Variants in ARHGEF10 observed in about 807,000 individuals in gnomAD.
ARHGEF10 encodes the protein Rho guanine nucleotide exchange factor (GEF) 10.
ARHGEF10 carries 140 observed loss-of-function variants against 147.4 expected under a neutral mutation model. The ratio of observed to expected loss-of-function variants is 0.95; its 90% CI spans 0.83 to 1.09. The LOEUF is 1.09. Among genes scored for constraint, ARHGEF10 ranks in the 50% least tolerant of loss-of-function variants. The pLI is 0.00. For missense variants in ARHGEF10, 2,222 were observed against 1,752.7 expected (o/e 1.27, Z -4.78); for synonymous variants, 902 against 695.8 (o/e 1.30, Z -4.67).
At position 1,882,630 on chromosome 8, in the gene ARHGEF10, C is replaced by T. The variant is rs775521173; in HGVS notation, c.961-5C>T. 1.7e-5 allele frequency: 27 copies of T among 1,551,690 alleles called. No individual in the cohort carries two copies. The highest frequency in any genetic ancestry group is 4.1e-5 in the African/African-American group (3 of 73,226). On this transcript the variant is annotated splice_polypyrimidine_tract_variant and splice_region_variant and intron_variant, in intron 9 of 28. Transcript: ENST00000349830. ...CCCGTTCTCACATCTCCCTCTCCGT[C>T]GCAGATGCAGAAGCTCGTGAAGGCC... is the stretch of plus-strand genomic sequence containing the variant.
chr8:1,906,476 C>G (rs1810901626), intron 17 of ARHGEF10, among the ~76,000 whole-genome samples: 1 of 152,166 alleles, frequency 6.6e-6, no homozygotes, highest in South Asian at 2.1e-4. Flanking sequence ...CAGTGAGAGC[C>G]AGCTGTTAAA....
chr8:1,833,124 A>ACAGG (rs1563149726), intron 1 of ARHGEF10, among the ~76,000 whole-genome samples: 11 of 146,710 alleles, frequency 7.5e-5, no homozygotes, highest in African/African-American at 2.6e-4. Context: ...GCAGAGAGAG[A>ACAGG]CAGAGGCAGA....
upstream of ARHGEF10, chr8:1,823,875 TC>T (rs1802561607): frequency 6.6e-6 from 1 of 151,016 alleles, no homozygotes; most frequent in African/African-American, 2.4e-5. Context: ...CCCGGAACGG[TC>T]TGGGCCCGCC....
At chr8:1,861,907 T>C (rs1401944443) in intron 4 of ARHGEF10, among the ~76,000 whole-genome samples, 1 of 152,254 alleles carries the variant, frequency 6.6e-6, no homozygotes, top group Non-Finnish European at 1.5e-5. Flanking sequence ...TATTTGATTA[T>C]TTAAAATAAT....
At chr8:1,884,328 G>A (rs1403604321) in intron 10 of ARHGEF10, among the ~76,000 whole-genome samples, 1 of 151,586 alleles carries the variant, frequency 6.6e-6, no homozygotes, top group Non-Finnish European at 1.5e-5. Context: ...CCCGGGAGGC[G>A]GAGCTTGCAG....
At chr8:1,895,997 G>A (rs997387390) in intron 13 of ARHGEF10, among the ~76,000 whole-genome samples, 5 of 152,146 alleles carry the variant, frequency 3.3e-5, no homozygotes, top group African/African-American at 9.7e-5. Context: ...CCTGGAGGTT[G>A]AACCCACCAA....
intron 9 of ARHGEF10, 35 bp from the exon 10 acceptor site, chr8:1,882,600 G>C: frequency 1.3e-6 from 2 of 1,527,450 alleles, no homozygotes; most frequent in Non-Finnish European, 1.8e-6. Flanking sequence ...GGGTTCTGCC[G>C]CCGTCCCGTT....
rs371244507 is a variant in ARHGEF10 at position 1,894,416 on chromosome 8, G to C, written c.1284G>C (p.Glu428Asp). 43 of 1,614,120 alleles carry C rather than the reference G, an allele frequency of 2.7e-5. No homozygotes were observed. The highest frequency in any genetic ancestry group is 5.3e-5 in the African/African-American group (4 of 74,944). ...AGCAATATGAGAAGCCGCTGTCTGAGATGGAGCCAAAGGTTCTGAGTGAGA... is the reference window on the plus strand; with the variant it reads ...AGCAATATGAGAAGCCGCTGTCTGACATGGAGCCAAAGGTTCTGAGTGAGA... ...ILEQYEKPLS[E>D]MEPKVLSERK... Residue 428 changes from glutamate to aspartate, a missense_variant, in exon 13 of 29, where the codon GAG (glutamate) becomes GAC (aspartate). By Grantham distance (45) the Glu-to-Asp change is conservative (BLOSUM62 2). Transcript: ENST00000349830.
rs768971197 is a variant in ARHGEF10 at position 1,926,444 on chromosome 8, C to T, written c.2678C>T (p.Thr893Met). ...NNESQPDSFS[T>M]AHGFLWIGSC... ...GAAAGCCAGCCAGATTCATTTTCCA[C>T]GGCACATGGTTTCCTGTGGGTAAGA... The change falls in exon 23 of 29, where the codon ACG becomes ATG. Residue 893 changes from threonine to methionine, a missense_variant. Thr to Met is a moderately conservative substitution (Grantham distance 81). Coordinates refer to ENST00000349830, the MANE Select transcript of ARHGEF10 (RefSeq NM_014629.4). 3.1e-5 allele frequency: 50 copies of T among 1,613,914 alleles called. No homozygotes were observed. The highest frequency in any genetic ancestry group is 3.9e-5 in the Non-Finnish European group (46 of 1,179,932).
rs537206657 is a variant in ARHGEF10 at position 1,928,668 on chromosome 8, C to G, written c.2921+18C>G. Reference sequence around the variant, plus strand: ...GAGGGAAGGTAGGGCATGCTCACTGCGTTACAGAGAATTAGCAAGCTCTGC... The same window carrying G: ...GAGGGAAGGTAGGGCATGCTCACTGGGTTACAGAGAATTAGCAAGCTCTGC... On this transcript the variant is annotated intron_variant, in intron 24 of 28. Coordinates refer to ENST00000349830, the MANE Select transcript of ARHGEF10 (RefSeq NM_014629.4). 6.8e-5 allele frequency: 110 copies of G among 1,612,540 alleles called. 1 individual carries two copies. In the South Asian group the frequency reaches 1.2e-3, roughly 17 times the overall value.
At chr8:1,891,647 C>T (rs1015747634) in intron 11 of ARHGEF10, among the ~76,000 whole-genome samples, 2 of 152,132 alleles carry the variant, frequency 1.3e-5, no homozygotes, top group Non-Finnish European at 2.9e-5. Flanking sequence ...ACCTTCATGC[C>T]AGGGACCCTC....
At chr8:1,884,470 A>G (rs1808488791) in intron 10 of ARHGEF10, among the ~76,000 whole-genome samples, 1 of 151,922 alleles carries the variant, frequency 6.6e-6, no homozygotes, top group African/African-American at 2.4e-5. Flanking sequence ...AGAGGCTTGG[A>G]CAGAATTTCG....
At chr8:1,854,779 T>C (rs1805423903) in intron 2 of ARHGEF10, among the ~76,000 whole-genome samples, 1 of 152,238 alleles carries the variant, frequency 6.6e-6, no homozygotes, top group African/African-American at 2.4e-5. Context: ...CATTCTCTCA[T>C]TCATTCGCTC....
chr8:1,919,250 G>C (rs1337082801), intron 18 of ARHGEF10, among the ~76,000 whole-genome samples: 1 of 148,942 alleles, frequency 6.7e-6, no homozygotes, highest in Non-Finnish European at 1.5e-5. Context: ...TCGAGTGATG[G>C]AGCTGTTCTG....
At chr8:1,921,161 T>C (rs1178755483) in intron 18 of ARHGEF10, among the ~76,000 whole-genome samples, 2 of 152,198 alleles carry the variant, frequency 1.3e-5, no homozygotes, top group Non-Finnish European at 2.9e-5. Context: ...TTGATACAAA[T>C]CAGGCTTACC....
rs758794430 is a variant in ARHGEF10 at position 1,898,532 on chromosome 8, G to T, written c.1650+7G>T. ...GTTCATCCTCCTGCTCCAGGTAAGT[G>T]CTTCACGGAGACCTCCTCAAGCTAG... is the stretch of plus-strand genomic sequence containing the variant. On this transcript the variant is annotated splice_region_variant and intron_variant, in intron 15 of 28. Transcript: ENST00000349830. The T allele has an allele frequency of 6.2e-7, 1 of 1,612,900 alleles. No homozygotes were observed. The highest frequency in any genetic ancestry group is 2.2e-5 in the East Asian group (1 of 44,840).
chr8:1,946,788 G>A (rs1814628852), intron 27 of ARHGEF10, among the ~76,000 whole-genome samples: 1 of 152,210 alleles, frequency 6.6e-6, no homozygotes, highest in East Asian at 1.9e-4. Flanking sequence ...GACAAGGGGA[G>A]GATGAGGAGG....
intron 25 of ARHGEF10, among the ~76,000 whole-genome samples, chr8:1,930,263 G>C (rs915526776): frequency 3.9e-5 from 6 of 152,014 alleles, no homozygotes; most frequent in African/African-American, 1.2e-4. Flanking sequence ...CCACGGCCGG[G>C]AGCGACGCCT....
intron 15 of ARHGEF10, among the ~76,000 whole-genome samples, chr8:1,902,036 G>C (rs779173412): frequency 6.6e-6 from 1 of 151,960 alleles, no homozygotes. Flanking sequence ...GAATGTGCAG[G>C]TTTGTTCCAT....
Sources: gnomAD v4.1 joint callset for allele counts (sites outside exome capture counted in the v4.1 genomes callset) on GRCh38, gnomAD v4.1.1 for gene constraint, MANE v1.5 for transcripts, NCBI Gene and HGNC (gene_info 2026-07-23, HGNC 2026-07-21) for gene names.